Variants in LIMCH1 observed in about 807,000 individuals in gnomAD.
LIMCH1 encodes LIM and calponin homology domains 1, also known as LIM and calponin homology domains-containing protein 1.
Under a neutral mutation model 176.5 loss-of-function variants are expected in LIMCH1, and 113 were observed. The observed-to-expected ratio is 0.64, with a 90% CI of 0.55 to 0.75. The LOEUF is 0.75. Among genes scored for constraint, LIMCH1 ranks in the 30% least tolerant of loss-of-function variants. The pLI is 0.00. For missense variants in LIMCH1, 1,674 were observed against 1,814.9 expected (o/e 0.92, Z 1.41); for synonymous variants, 619 against 645.9 (o/e 0.96, Z 0.63).
intron 28 of LIMCH1, among the ~76,000 whole-genome samples, chr4:41,686,167 G>C (rs916808652): frequency 2.6e-5 from 4 of 151,852 alleles, no homozygotes; most frequent in Non-Finnish European, 5.9e-5. Flanking sequence ...TTCGTTCAAG[G>C]AAAAAAATGT....
chr4:41,360,642 G>T (rs10018707), upstream of LIMCH1: 239 of 297,230 alleles, frequency 8.0e-4, no homozygotes, highest in South Asian at 2.6e-3. The surrounding 1 kb of genome is among the most constrained non-coding windows in gnomAD (Gnocchi z 4.5). Context: ...CGGCGCGTTG[G>T]AGCCCGGGCG....
At chr4:41,380,655 A>T (rs947354954) in intron 1 of LIMCH1, among the ~76,000 whole-genome samples, 1 of 152,182 alleles carries the variant, frequency 6.6e-6, no homozygotes, top group Non-Finnish European at 1.5e-5. Context: ...CCCCCAAGTG[A>T]TTGCAATGTG....
intron 1 of LIMCH1, among the ~76,000 whole-genome samples, chr4:41,540,037 G>C: frequency 6.6e-6 from 1 of 152,208 alleles, no homozygotes; most frequent in East Asian, 1.9e-4. Context: ...AGGGCAGCTA[G>C]GAGCTGACAT....
At chr4:41,638,990 G>C in intron 14 of LIMCH1, 23 bp downstream of exon 14, 1 of 1,553,850 alleles carries the variant, frequency 6.4e-7, no homozygotes, top group Admixed American at 2.1e-5. Flanking sequence ...GTATTTGTAG[G>C]ATTACATTAA....
intron 1 of LIMCH1, among the ~76,000 whole-genome samples, chr4:41,594,984 G>C (rs1015772200): frequency 1.3e-5 from 2 of 152,198 alleles, no homozygotes; most frequent in Non-Finnish European, 2.9e-5. Flanking sequence ...AGAGCTTAAA[G>C]GCCAGTCAGA....
intron 1 of LIMCH1, among the ~76,000 whole-genome samples, chr4:41,562,211 C>T (rs1387809404): frequency 6.6e-6 from 1 of 152,160 alleles, no homozygotes; most frequent in Non-Finnish European, 1.5e-5. Flanking sequence ...GTTCAGTTTC[C>T]AGTTACAACT....
chr4:41,588,512 G>A (rs1205348753), intron 1 of LIMCH1, among the ~76,000 whole-genome samples: 2 of 152,184 alleles, frequency 1.3e-5, no homozygotes, highest in East Asian at 3.9e-4. Flanking sequence ...ATTTTGTCCA[G>A]TAGCACAGGG....
At chr4:41,404,103 C>T (rs1253072608) in intron 1 of LIMCH1, among the ~76,000 whole-genome samples, 3 of 152,096 alleles carry the variant, frequency 2.0e-5, no homozygotes, top group African/African-American at 4.8e-5. Flanking sequence ...ACAAATGACC[C>T]CCAAATCTCG....
intron 29 of LIMCH1, 115 bp from the exon 30 acceptor site, chr4:41,689,412 G>A (rs1414195665): frequency 1.7e-6 from 1 of 593,656 alleles, no homozygotes; most frequent in Non-Finnish European, 3.1e-6. Context: ...TTTCATTCAT[G>A]ATATAGGCAT....
At chr4:41,484,703 A>G (rs970960055) in intron 1 of LIMCH1, among the ~76,000 whole-genome samples, 2 of 152,184 alleles carry the variant, frequency 1.3e-5, no homozygotes, top group Non-Finnish European at 2.9e-5. Context: ...GAATATATTC[A>G]TGTCTTTCAA....
At chr4:41,451,868 C>T (rs1582416057) in intron 1 of LIMCH1, among the ~76,000 whole-genome samples, 1 of 152,212 alleles carries the variant, frequency 6.6e-6, no homozygotes, top group Non-Finnish European at 1.5e-5. Flanking sequence ...TTTAGCTAAG[C>T]TCCCACCTGC....
At chr4:41,635,704 CTA>C (rs1469793387) in intron 13 of LIMCH1, among the ~76,000 whole-genome samples, 1 of 152,166 alleles carries the variant, frequency 6.6e-6, no homozygotes, top group African/African-American at 2.4e-5. Context: ...GTAATAATCA[CTA>C]TGTGTAAAGC....
intron 4 of LIMCH1, chr4:41,612,374 C>CT: frequency 1.8e-6 from 1 of 571,256 alleles, no homozygotes; most frequent in Non-Finnish European, 3.1e-6. Flanking sequence ...GCAGAGGGGA[C>CT]TTTCGCGAGC....
intron 7 of LIMCH1, among the ~76,000 whole-genome samples, chr4:41,623,462 TA>T (rs1321464118): frequency 1.1e-4 from 17 of 152,170 alleles, no homozygotes; most frequent in African/African-American, 4.1e-4. Flanking sequence ...CAAGTATTCT[TA>T]AACACCTTGC....
At chr4:41,365,513 A>G (rs2052832776) in intron 1 of LIMCH1, among the ~76,000 whole-genome samples, 1 of 152,230 alleles carries the variant, frequency 6.6e-6, no homozygotes, top group African/African-American at 2.4e-5. Context: ...TAAGTTATAC[A>G]TGTAGTCATT....
At chr4:41,494,446 C>CAT (rs2071687445) in intron 1 of LIMCH1, 12 of 821,440 alleles carry the variant, frequency 1.5e-5, no homozygotes, top group Non-Finnish European at 2.4e-5. Flanking sequence ...TATATATGTA[C>CAT]ACACACATAC....
chr4:41,470,869 G>A (rs990454440), intron 1 of LIMCH1, among the ~76,000 whole-genome samples: 1 of 151,750 alleles, frequency 6.6e-6, no homozygotes, highest in Admixed American at 6.6e-5. Flanking sequence ...ATTGTCTAGG[G>A]CCTGGGTTGA....
intron 1 of LIMCH1, among the ~76,000 whole-genome samples, chr4:41,419,636 T>TTCCAGATCGGAAGAG (rs1561310986): frequency 1.4e-5 from 1 of 70,064 alleles, no homozygotes; most frequent in African/African-American, 9.2e-5. Flanking sequence ...CCTTCCTTCC[T>TTCCAGATCGGAAGAG]CCTTCCTTTC....
intron 4 of LIMCH1, among the ~76,000 whole-genome samples, chr4:41,609,155 G>A (rs972676350): frequency 6.6e-6 from 1 of 152,092 alleles, no homozygotes; most frequent in Non-Finnish European, 1.5e-5. Context: ...AAAGGGAAAA[G>A]GGGAGGGAGC....
Sources: gnomAD v4.1 joint callset for allele counts (sites outside exome capture counted in the v4.1 genomes callset) on GRCh38, gnomAD v4.1.1 for gene constraint, Gnocchi (gnomAD v3.1) non-coding constraint, MANE v1.5 for transcripts, NCBI Gene and HGNC (gene_info 2026-07-23, HGNC 2026-07-21) for gene names.